TRIO: variants seen among roughly 807,000 people sequenced by gnomAD.
TRIO encodes the protein triple functional domain protein.
TRIO carries 58 observed loss-of-function variants against 351.9 expected under a neutral mutation model. The ratio of observed to expected loss-of-function variants is 0.16; its 90% CI spans 0.13 to 0.21. TRIO has a LOEUF of 0.21. TRIO is among the 10% of genes least tolerant of loss of function. The pLI is 1.00. For synonymous variants in TRIO, 1,758 were observed against 1,595.7 expected, an observed-to-expected ratio of 1.10 and a Z score of -2.42; for missense variants, 3,201 against 4,027.8, an observed-to-expected ratio of 0.79 and a Z score of 5.56.
chr5:14,246,505 T>C (rs1794444727), intron 1 of TRIO, among the ~76,000 whole-genome samples: 1 of 152,196 alleles, frequency 6.6e-6, no homozygotes, highest in Non-Finnish European at 1.5e-5. Flanking sequence ...GTCACTTCTC[T>C]TTTGGATATT....
At chr5:14,224,657 AGGC>A (rs59555106) in intron 1 of TRIO, among the ~76,000 whole-genome samples, 39,456 of 151,998 alleles carry the variant, frequency 0.26, 5,335 homozygotes, top group East Asian at 0.44. Context: ...TTTACAGAAG[AGGC>A]AAAGTGGAAG....
At chr5:14,354,812 T>C (rs1743469297) in intron 11 of TRIO, among the ~76,000 whole-genome samples, 1 of 152,146 alleles carries the variant, frequency 6.6e-6, no homozygotes, top group Admixed American at 6.5e-5. Context: ...ATTAGTACTA[T>C]AGTTATCACA....
Position 14,287,082 on chromosome 5 carries a change from C to G in TRIO, c.540+19C>G. 6.2e-7 allele frequency: 1 copy of G among 1,609,700 alleles called. No homozygotes were observed. Among genetic ancestry groups the G allele is most frequent in the South Asian group, 1.1e-5 (1 of 90,360 alleles). ...ATTTGAGGTAACTTCCCCCGTGTGG[C>G]TAGACCCACTAAACAAGTTGGTGTG... On this transcript the variant is annotated intron_variant, in intron 4 of 56. Transcript: ENST00000344204.
At chr5:14,184,304 T>A (rs1789973628) in intron 1 of TRIO, among the ~76,000 whole-genome samples, 1 of 152,230 alleles carries the variant, frequency 6.6e-6, no homozygotes. Flanking sequence ...AAAATCACAG[T>A]GGGAAGCTGC....
At chr5:14,291,847 A>C (rs1012967617) in intron 5 of TRIO, among the ~76,000 whole-genome samples, 1 of 150,518 alleles carries the variant, frequency 6.6e-6, no homozygotes, top group East Asian at 1.9e-4. Flanking sequence ...TGTTATTGAC[A>C]AAACACCATT....
intron 19 of TRIO, 58 bp from the exon 20 acceptor site, chr5:14,377,954 C>T (rs934368127): frequency 1.8e-5 from 23 of 1,287,506 alleles, no homozygotes; most frequent in Middle Eastern, 1.8e-4. Context: ...AATGGAATTT[C>T]GCGGTTGTTT....
intron 8 of TRIO, 32 bp downstream of exon 8, chr5:14,304,624 C>T (rs770065221): frequency 6.3e-7 from 1 of 1,591,912 alleles, no homozygotes; most frequent in Non-Finnish European, 8.5e-7. Flanking sequence ...CATTGCAAAG[C>T]AGCATCATTT....
intron 1 of TRIO, among the ~76,000 whole-genome samples, chr5:14,205,880 G>C (rs1490264431): frequency 6.6e-6 from 1 of 151,762 alleles, no homozygotes; most frequent in Non-Finnish European, 1.5e-5. Context: ...TTACAGGCCC[G>C]TGCCACCACA....
chr5:14,508,389 C>T lies in TRIO; in HGVS notation c.9261C>T (p.Asn3087=). The T allele has an allele frequency of 6.2e-7, 1 of 1,612,516 alleles. No individual in the cohort carries two copies. The highest frequency in any genetic ancestry group is 8.5e-7 in the Non-Finnish European group (1 of 1,178,902). Residue 3087 remains asparagine (N), a synonymous_variant, in exon 57 of 57, where the codon AAC becomes AAT. Coordinates refer to ENST00000344204, the MANE Select transcript of TRIO (RefSeq NM_007118.4). ...TTCGACCTATCCGTAGCATTAAAAACTTTCTGCAGAGCAGGCTTCTGCCTA... is the reference window on the plus strand; with the variant it reads ...TTCGACCTATCCGTAGCATTAAAAATTTTCTGCAGAGCAGGCTTCTGCCTA... ...NDVRPIRSIK[N]FLQSRLLPRV is the part of the protein sequence containing the mutation.
intron 18 of TRIO, among the ~76,000 whole-genome samples, chr5:14,372,114 A>G (rs1053534391): frequency 6.6e-6 from 1 of 151,766 alleles, no homozygotes; most frequent in Non-Finnish European, 1.5e-5. Context: ...CCCCCATTCC[A>G]GATTGGTAAT....
intron 34 of TRIO, among the ~76,000 whole-genome samples, chr5:14,421,452 A>G (rs1360368658): frequency 7.9e-5 from 12 of 151,522 alleles, no homozygotes; most frequent in Admixed American, 7.2e-4. Flanking sequence ...AAAATAGGAA[A>G]AATTAGCTGG....
chr5:14,324,332 G>T (rs1369588565), intron 9 of TRIO, among the ~76,000 whole-genome samples: 1 of 152,168 alleles, frequency 6.6e-6, no homozygotes, highest in East Asian at 1.9e-4. Context: ...TCATTTTTGT[G>T]TGCGTAAGAT....
At chr5:14,203,086 A>G (rs1791234663) in intron 1 of TRIO, among the ~76,000 whole-genome samples, 1 of 152,176 alleles carries the variant, frequency 6.6e-6, no homozygotes, top group African/African-American at 2.4e-5. Flanking sequence ...CTCAGGTTAT[A>G]GTCGTAACTT....
At chr5:14,410,612 T>C (rs1027379372) in intron 33 of TRIO, among the ~76,000 whole-genome samples, 1 of 152,202 alleles carries the variant, frequency 6.6e-6, no homozygotes, top group Non-Finnish European at 1.5e-5. Context: ...ATTTATGATG[T>C]CTGTTATTAG....
intron 1 of TRIO, among the ~76,000 whole-genome samples, chr5:14,266,566 A>G (rs1795690855): frequency 6.6e-6 from 1 of 152,228 alleles, no homozygotes; most frequent in African/African-American, 2.4e-5. Flanking sequence ...GTCGAACCAA[A>G]CAGTAATTTA....
chr5:14,466,936 T>C (rs1226832473), intron 37 of TRIO, among the ~76,000 whole-genome samples: 1 of 152,234 alleles, frequency 6.6e-6, no homozygotes, highest in East Asian at 1.9e-4. Context: ...GCACTTATTC[T>C]AAGCCAGGCG....
At chr5:14,298,895 TC>T (rs1363913221) in intron 7 of TRIO, among the ~76,000 whole-genome samples, 1 of 152,242 alleles carries the variant, frequency 6.6e-6, no homozygotes, top group African/African-American at 2.4e-5. Flanking sequence ...AAAACCATCT[TC>T]ATGACCCTGT....
In TRIO at chr5:14,507,280, G is replaced by A. The variant is rs1341567641; in HGVS notation, c.8751+20G>A. On this transcript the variant is annotated intron_variant, in intron 56 of 56. Transcript: ENST00000344204. Reference sequence around the variant, plus strand: ...CTAAAGGTTGGTGAGGCCCCGGGCAGGTGAAGGGGGGTCTGAGCACACCGG... The same window carrying A: ...CTAAAGGTTGGTGAGGCCCCGGGCAAGTGAAGGGGGGTCTGAGCACACCGG... 1 of 1,610,176 alleles carries A rather than the reference G, an allele frequency of 6.2e-7. No homozygotes were observed. The highest frequency in any genetic ancestry group is 1.3e-5 in the African/African-American group (1 of 74,840).
intron 40 of TRIO, 31 bp from the exon 41 acceptor site, chr5:14,476,863 A>G: frequency 6.3e-7 from 1 of 1,577,232 alleles, no homozygotes; most frequent in Admixed American, 1.7e-5. Flanking sequence ...CACACTGGAA[A>G]TAGTTCTAAT....
Sources: gnomAD v4.1 joint callset for allele counts (sites outside exome capture counted in the v4.1 genomes callset) on GRCh38, gnomAD v4.1.1 for gene constraint, MANE v1.5 for transcripts, NCBI Gene and HGNC (gene_info 2026-07-23, HGNC 2026-07-21) for gene names.